Variants in CLSTN2 observed in about 807,000 individuals in gnomAD.
The protein encoded by CLSTN2 is calsyntenin 2.
CLSTN2 carries 48 observed loss-of-function variants against 101.2 expected under a neutral mutation model. That is an observed-to-expected ratio of 0.47 (90% CI 0.38 to 0.60). The LOEUF is 0.60. Ranked by LOEUF, CLSTN2 falls within the 20% of genes least tolerant of loss-of-function variation. CLSTN2 has a pLI of 0.00. For synonymous variants in CLSTN2, 481 were observed against 463.6 expected (o/e 1.04, Z -0.48); for missense variants, 1,160 against 1,238.2 (o/e 0.94, Z 0.95).
Position 140,260,159 on chromosome 3 carries a change from A to T in CLSTN2, c.232+84086A>T, listed in dbSNP as rs1576488702. Among the ~76,000 whole-genome samples the T allele has an allele frequency of 2.0e-5, 3 of 146,894 alleles. No homozygotes were observed. The South Asian group carries it at 6.6e-4, about 32-fold the overall frequency. ...AAATATATATATATATATATATATTATATATAAAATACTGTACACCATACA... is the reference window on the plus strand; with the variant it reads ...AAATATATATATATATATATATATTTTATATAAAATACTGTACACCATACA... On this transcript the variant is annotated intron_variant, in intron 2 of 16. Transcript: ENST00000458420.
At chr3:140,201,982 G>A (rs1405473680) in intron 2 of CLSTN2, among the ~76,000 whole-genome samples, 1 of 152,172 alleles carries the variant, frequency 6.6e-6, no homozygotes, top group African/African-American at 2.4e-5. Flanking sequence ...ATGAGGGGAT[G>A]CACCCTGTGC....
chr3:140,063,154 T>C (rs72984104), intron 1 of CLSTN2, among the ~76,000 whole-genome samples: 1,876 of 152,264 alleles, frequency 0.012, 46 homozygotes, highest in African/African-American at 0.042. Context: ...GGTCACAATG[T>C]TCTAGATCCA....
At chr3:140,022,515 G>A (rs991391252) in intron 1 of CLSTN2, among the ~76,000 whole-genome samples, 1 of 152,220 alleles carries the variant, frequency 6.6e-6, no homozygotes, top group Non-Finnish European at 1.5e-5. Flanking sequence ...CAGCACAAAT[G>A]CTGTGAGGCT....
intron 1 of CLSTN2, among the ~76,000 whole-genome samples, chr3:140,153,146 G>A (rs1324623361): frequency 6.6e-6 from 1 of 152,170 alleles, no homozygotes; most frequent in African/African-American, 2.4e-5. Context: ...TTGAGAGAGG[G>A]GTCCTGGTAC....
intron 10 of CLSTN2, among the ~76,000 whole-genome samples, chr3:140,556,275 T>C (rs1935788381): frequency 6.6e-6 from 1 of 152,168 alleles, no homozygotes; most frequent in Admixed American, 6.5e-5. Context: ...CAGACCGATA[T>C]TACCAGGCAC....
At chr3:140,068,372 C>G (rs1006150012) in intron 1 of CLSTN2, among the ~76,000 whole-genome samples, 2 of 152,292 alleles carry the variant, frequency 1.3e-5, no homozygotes, top group East Asian at 1.9e-4. Flanking sequence ...CTTATAAGAC[C>G]TAGAGAAACT....
chr3:139,971,138 A>G (rs777447020), intron 1 of CLSTN2, among the ~76,000 whole-genome samples: 13 of 152,336 alleles, frequency 8.5e-5, no homozygotes, highest in African/African-American at 2.9e-4. Context: ...GTGACCACTG[A>G]AGATCTGGGG....
In CLSTN2 at chr3:140,131,946, T is replaced by C. The variant is rs2009529023; in HGVS notation, c.110-44005T>C. Reference sequence around the variant, plus strand: ...ATTAATGTAGACACAAACAGTGACGTTTAAAACGTTGAAGACTAAATAGAT... The same window carrying C: ...ATTAATGTAGACACAAACAGTGACGCTTAAAACGTTGAAGACTAAATAGAT... On this transcript the variant is annotated intron_variant, in intron 1 of 16. Coordinates refer to ENST00000458420, the MANE Select transcript of CLSTN2 (RefSeq NM_022131.3). Among the ~76,000 whole-genome samples, 3 of 152,026 alleles carry C rather than the reference T, an allele frequency of 2.0e-5. No homozygotes were observed. In the South Asian group the frequency reaches 6.2e-4, roughly 32 times the overall value.
intron 1 of CLSTN2, among the ~76,000 whole-genome samples, chr3:139,968,342 C>T (rs1935638751): frequency 6.6e-6 from 1 of 152,156 alleles, no homozygotes; most frequent in Non-Finnish European, 1.5e-5. Flanking sequence ...TCCTCAGTTT[C>T]AATAAATATA....
At chr3:140,196,558 C>G (rs2010645779) in intron 2 of CLSTN2, among the ~76,000 whole-genome samples, 1 of 152,216 alleles carries the variant, frequency 6.6e-6, no homozygotes, top group African/African-American at 2.4e-5. Context: ...TTGACCCTTG[C>G]TGGTCATCAG....
At chr3:140,318,331 T>C (rs761429633) in intron 2 of CLSTN2, among the ~76,000 whole-genome samples, 30 of 152,102 alleles carry the variant, frequency 2.0e-4, no homozygotes, top group Non-Finnish European at 3.7e-4. Flanking sequence ...AGTAGTGAGA[T>C]GAATCCCAAT....
chr3:140,155,061 A>G (rs1371146515), intron 1 of CLSTN2, among the ~76,000 whole-genome samples: 1 of 152,174 alleles, frequency 6.6e-6, no homozygotes, highest in East Asian at 1.9e-4. Flanking sequence ...GTGGGGACAC[A>G]GAGCCAAACC....
At chr3:140,373,420 GA>G (rs1437378845) in intron 2 of CLSTN2, among the ~76,000 whole-genome samples, 1 of 152,156 alleles carries the variant, frequency 6.6e-6, no homozygotes, top group African/African-American at 2.4e-5. Context: ...TTTTCAACTG[GA>G]AAATGATCAG....
At chr3:140,469,775 G>A (rs979554320) in intron 8 of CLSTN2, among the ~76,000 whole-genome samples, 1 of 152,192 alleles carries the variant, frequency 6.6e-6, no homozygotes, top group African/African-American at 2.4e-5. Context: ...ACAGTGAATG[G>A]ATGTCAAGAT....
At position 140,563,116 on chromosome 3, in the gene CLSTN2, G is replaced by A. The variant is rs145568107; in HGVS notation, c.2395G>A (p.Glu799Lys). 5.7e-5 allele frequency: 92 copies of A among 1,613,950 alleles called. No individual in the cohort carries two copies. Among genetic ancestry groups the A allele is most frequent in the African/African-American group, 2.5e-4 (19 of 74,900 alleles). Residue 799 changes from glutamate (E) to lysine (K), a missense_variant, in exon 15 of 17, where the codon GAG becomes AAG. Transcript: ENST00000458420. ...TCATGAAGACCAAGTCTCAGATAAG[G>A]AGCATGTCAATCATCTGATTGTGCA... ...ILHEDQVSDK[E>K]HVNHLIVQPP...
At chr3:139,967,475 C>A (rs979947387) in intron 1 of CLSTN2, among the ~76,000 whole-genome samples, 2 of 152,138 alleles carry the variant, frequency 1.3e-5, no homozygotes, top group Non-Finnish European at 2.9e-5. Flanking sequence ...GAAAGGACAG[C>A]CAGGGAATGG....
intron 10 of CLSTN2, among the ~76,000 whole-genome samples, chr3:140,552,762 G>GAAAA (rs994827173): frequency 6.6e-6 from 1 of 152,164 alleles, no homozygotes; most frequent in African/African-American, 2.4e-5. Context: ...TGATGCTGAG[G>GAAAA]AAAAGTCAGT....
At chr3:140,043,223 G>T (rs373494748) in intron 1 of CLSTN2, among the ~76,000 whole-genome samples, 2 of 152,076 alleles carry the variant, frequency 1.3e-5, no homozygotes, top group African/African-American at 2.4e-5. Context: ...ATTCTAACTG[G>T]TGTGAGATGG....
At chr3:140,234,555 T>C (rs1342969018) in intron 2 of CLSTN2, among the ~76,000 whole-genome samples, 1 of 152,198 alleles carries the variant, frequency 6.6e-6, no homozygotes, top group Non-Finnish European at 1.5e-5. Flanking sequence ...TGGTTTATTT[T>C]AAAATGCTTA....
Sources: gnomAD v4.1 joint callset for allele counts (sites outside exome capture counted in the v4.1 genomes callset) on GRCh38, gnomAD v4.1.1 for gene constraint, MANE v1.5 for transcripts, NCBI Gene and HGNC (gene_info 2026-07-23, HGNC 2026-07-21) for gene names.